The following XKR4 variants were observed in gnomAD, a reference collection of about 807,000 sequenced individuals.
XKR4 encodes XK-related protein 4.
A neutral mutation model predicts 53.9 loss-of-function variants in XKR4; 12 were observed. That is an observed-to-expected ratio of 0.22 (90% CI 0.14 to 0.36). The LOEUF (loss-of-function observed/expected upper bound fraction) is 0.36. Among genes scored for constraint, XKR4 ranks in the 10% least tolerant of loss-of-function variants. The pLI is 1.00. For synonymous variants in XKR4, 354 were observed against 362.4 expected, an observed-to-expected ratio of 0.98 and a Z score of 0.26; for missense variants, 799 against 859.5, an observed-to-expected ratio of 0.93 and a Z score of 0.88.
intron 1 of XKR4, among the ~76,000 whole-genome samples, chr8:55,232,835 A>G (rs1452963986): frequency 6.6e-6 from 1 of 152,202 alleles, no homozygotes; most frequent in East Asian, 1.9e-4. Flanking sequence ...AGCTCTCTGC[A>G]GCCTGGCCCA....
intron 1 of XKR4, among the ~76,000 whole-genome samples, chr8:55,299,571 T>A (rs1819150061): frequency 1.3e-5 from 2 of 151,920 alleles, no homozygotes; most frequent in Non-Finnish European, 2.9e-5. Flanking sequence ...CACAGCAGAG[T>A]GAGTAAGAAT....
intron 2 of XKR4, 48 bp downstream of exon 2, chr8:55,357,925 C>T (rs1191691868): frequency 6.4e-7 from 1 of 1,561,810 alleles, no homozygotes; most frequent in Non-Finnish European, 8.7e-7. Context: ...GATTGACTGG[C>T]TACTTTTGTC....
In XKR4 at chr8:55,541,884, T is replaced by C. The variant is rs1807106552; in HGVS notation, c.*17657T>C. The C allele has an allele frequency of 6.6e-6, 1 of 152,124 alleles. No individual in the cohort carries two copies. Among genetic ancestry groups the C allele is most frequent in the South Asian group, 2.1e-4 (1 of 4,824 alleles). 9.4% of individuals were successfully genotyped at this position (152,124 alleles called of 1,614,324 possible). A position where few individuals can be genotyped will look rare whatever the true frequency, so the allele number is the denominator to read the frequency against. On this transcript the variant is annotated 3_prime_UTR_variant, in exon 3 of 3. Coordinates refer to ENST00000327381, the MANE Select transcript of XKR4 (RefSeq NM_052898.2). ...CCCAGTGCCCTAGTTTGAAGCACAG[T>C]GTGTGGAGTATTTGATGTACTACAG...
chr8:55,513,791 G>T (rs895375633), intron 2 of XKR4, among the ~76,000 whole-genome samples: 8 of 152,178 alleles, frequency 5.3e-5, no homozygotes, highest in Non-Finnish European at 1.0e-4. Context: ...GAGTTACCAG[G>T]TTTCACAATT....
intron 2 of XKR4, among the ~76,000 whole-genome samples, chr8:55,495,594 G>C (rs1436754510): frequency 6.6e-6 from 1 of 152,220 alleles, no homozygotes; most frequent in Non-Finnish European, 1.5e-5. Context: ...CCTCCCAGGG[G>C]TGGATTTGAG....
At chr8:55,341,841 CT>C (rs1157887111) in intron 1 of XKR4, among the ~76,000 whole-genome samples, 1 of 151,906 alleles carries the variant, frequency 6.6e-6, no homozygotes, top group African/African-American at 2.4e-5. Flanking sequence ...AGCATGGTGC[CT>C]TTTGAAGTAA....
chr8:55,511,409 G>A (rs763292878), intron 2 of XKR4, among the ~76,000 whole-genome samples: 21 of 152,178 alleles, frequency 1.4e-4, no homozygotes, highest in South Asian at 2.1e-4. Context: ...ACCTCAGAAG[G>A]GTTTGGACAG....
chr8:55,451,665 G>C, intron 2 of XKR4: 1 of 1,555,632 alleles, frequency 6.4e-7, no homozygotes, highest in Non-Finnish European at 8.8e-7. Context: ...GGACACTCTG[G>C]GGCACGATCA....
At position 55,529,069 on chromosome 8, in the gene XKR4, C is replaced by T. The variant is rs557193084; in HGVS notation, c.*4842C>T. The T allele has an allele frequency of 1.3e-5, 2 of 150,028 alleles. No individual in the cohort carries two copies. Among genetic ancestry groups the T allele is most frequent in the East Asian group, 3.9e-4 (2 of 5,132 alleles). 9.3% of individuals were successfully genotyped at this position (150,028 alleles called of 1,614,324 possible). The stretch of plus-strand genomic sequence containing the variant: ...TGGCAAGACTCTCAATCTACAGCCT[C>T]GACAGTATCATTACTCATTCTAAAG... On this transcript the variant is annotated 3_prime_UTR_variant, in exon 3 of 3. Coordinates refer to ENST00000327381, the MANE Select transcript of XKR4 (RefSeq NM_052898.2).
intron 1 of XKR4, among the ~76,000 whole-genome samples, chr8:55,264,335 C>T (rs1818569880): frequency 6.6e-6 from 1 of 152,112 alleles, no homozygotes; most frequent in Non-Finnish European, 1.5e-5. Flanking sequence ...CTTTCTTTTC[C>T]ATAATACACA....
chr8:55,120,459 C>A (rs561759906), intron 1 of XKR4, among the ~76,000 whole-genome samples: 151 of 151,732 alleles, frequency 1.0e-3, no homozygotes, highest in African/African-American at 3.5e-3. Flanking sequence ...GTGGTGAATT[C>A]TCTGTCTTTG....
At position 55,454,525 on chromosome 8, in the gene XKR4, G is replaced by A. The variant is rs78503537; in HGVS notation, c.1007-68756G>A. On this transcript the variant is annotated intron_variant, in intron 2 of 2. Transcript: ENST00000327381. The stretch of plus-strand genomic sequence containing the variant: ...CGTTGGTGATGCCCAGCTGGCGGAA[G>A]AGCAGGCCACGCTGCAGCTGCTGAT... 2.0e-3 allele frequency: 2,793 copies of A among 1,364,220 alleles called. 46 individuals carry two copies. The African/African-American group carries it at 0.036, about 18-fold the overall frequency. The allele number at this position is 1,364,220 out of a possible 1,614,324, so 84.5% of individuals were successfully genotyped here.
chr8:55,170,251 C>T (rs1817139409), intron 1 of XKR4, among the ~76,000 whole-genome samples: 1 of 152,138 alleles, frequency 6.6e-6, no homozygotes. Flanking sequence ...GCTTATAAAG[C>T]AAAGGGGACT....
intron 2 of XKR4, among the ~76,000 whole-genome samples, chr8:55,505,877 A>G (rs188475647): frequency 6.6e-6 from 1 of 152,376 alleles, no homozygotes; most frequent in African/African-American, 2.4e-5. Context: ...ACTAAGATAC[A>G]TGAAGTAATT....
chr8:55,451,646 C>T (rs1435679233), intron 2 of XKR4: 3 of 1,555,368 alleles, frequency 1.9e-6, no homozygotes, highest in East Asian at 2.3e-5. Context: ...CGCTGCAGGG[C>T]GTTGTCCTGG....
intron 1 of XKR4, among the ~76,000 whole-genome samples, chr8:55,343,678 A>G (rs955377524): frequency 1.3e-5 from 2 of 152,140 alleles, no homozygotes; most frequent in Non-Finnish European, 2.9e-5. Context: ...TGCTTTCAAG[A>G]AAGTCCTCCT....
At chr8:55,169,362 T>A (rs1431942927) in intron 1 of XKR4, among the ~76,000 whole-genome samples, 1 of 152,230 alleles carries the variant, frequency 6.6e-6, no homozygotes, top group East Asian at 1.9e-4. Flanking sequence ...ATGGCAGTAA[T>A]GCCCATCCGT....
chr8:55,224,099 C>T (rs1449980671), intron 1 of XKR4, among the ~76,000 whole-genome samples: 1 of 152,096 alleles, frequency 6.6e-6, no homozygotes, highest in East Asian at 1.9e-4. Context: ...GCTTTTTCTA[C>T]ATTTTCTTTT....
At chr8:55,468,907 A>G (rs1046482154) in intron 2 of XKR4, among the ~76,000 whole-genome samples, 1 of 152,092 alleles carries the variant, frequency 6.6e-6, no homozygotes, top group Admixed American at 6.5e-5. Flanking sequence ...CTGACTATGC[A>G]TTCTTGTAAA....
Sources: gnomAD v4.1 joint callset for allele counts (sites outside exome capture counted in the v4.1 genomes callset) on GRCh38, gnomAD v4.1.1 for gene constraint, MANE v1.5 for transcripts, NCBI Gene and HGNC (gene_info 2026-07-23, HGNC 2026-07-21) for gene names.